ADGRB3: variants seen among roughly 807,000 people sequenced by gnomAD.
The protein encoded by ADGRB3 is adhesion G protein-coupled receptor B3, also known as brain-specific angiogenesis inhibitor 3.
Under a neutral mutation model 193.4 loss-of-function variants are expected in ADGRB3, and 37 were observed. That is an observed-to-expected ratio of 0.19 (90% CI 0.15 to 0.25). The LOEUF (loss-of-function observed/expected upper bound fraction) is 0.25, where lower values mean the gene tolerates loss of function less well. ADGRB3 is among the 10% of genes least tolerant of loss of function. The pLI, the probability that ADGRB3 is intolerant of heterozygous loss-of-function variation, is 1.00. For synonymous variants in ADGRB3, 690 were observed against 644.2 expected (o/e 1.07, Z -1.08); for missense variants, 1,637 against 1,852.9 (o/e 0.88, Z 2.14).
intron 30 of ADGRB3, among the ~76,000 whole-genome samples, chr6:69,373,638 TC>T (rs1162546127): frequency 6.6e-6 from 1 of 152,094 alleles, no homozygotes; most frequent in African/African-American, 2.4e-5. Context: ...TATTCAGCAA[TC>T]TTTGCCTTCA....
At chr6:69,256,447 T>G (rs1766773597) in intron 20 of ADGRB3, among the ~76,000 whole-genome samples, 1 of 152,138 alleles carries the variant, frequency 6.6e-6, no homozygotes, top group Non-Finnish European at 1.5e-5. Flanking sequence ...TCCTAGGTAT[T>G]TTATTCTCTT....
At chr6:69,368,478 C>T (rs189192346) in intron 29 of ADGRB3, among the ~76,000 whole-genome samples, 1 of 152,124 alleles carries the variant, frequency 6.6e-6, no homozygotes, top group African/African-American at 2.4e-5. Flanking sequence ...CTGAGTCTCT[C>T]GCTTGACCAA....
chr6:69,130,593 T>C (rs1251590965), intron 17 of ADGRB3, among the ~76,000 whole-genome samples: 1 of 150,716 alleles, frequency 6.6e-6, no homozygotes, highest in Non-Finnish European at 1.5e-5. Context: ...CCGACTGGGC[T>C]CCTTTTTTTT....
chr6:69,051,202 G>A (rs1412857334), intron 15 of ADGRB3, among the ~76,000 whole-genome samples: 1 of 152,102 alleles, frequency 6.6e-6, no homozygotes, highest in Non-Finnish European at 1.5e-5. Flanking sequence ...ATGATTTAAT[G>A]GATATAGTAG....
intron 3 of ADGRB3, among the ~76,000 whole-genome samples, chr6:68,697,407 C>T (rs1765175171): frequency 6.6e-6 from 1 of 151,804 alleles, no homozygotes; most frequent in African/African-American, 2.4e-5. Context: ...AGCATGTAAA[C>T]TCATTTATAT....
chr6:68,798,943 C>T (rs1179360334), intron 3 of ADGRB3, among the ~76,000 whole-genome samples: 1 of 152,074 alleles, frequency 6.6e-6, no homozygotes, highest in Non-Finnish European at 1.5e-5. Flanking sequence ...AGGTTGAGGA[C>T]CCTGGCAAGG....
intron 3 of ADGRB3, among the ~76,000 whole-genome samples, chr6:68,753,246 C>A (rs2127348026): frequency 6.6e-6 from 1 of 152,300 alleles, no homozygotes; most frequent in Admixed American, 6.5e-5. Flanking sequence ...ATTTGGGCAT[C>A]TATTCTCCAT....
At chr6:69,173,782 T>A (rs574858302) in intron 17 of ADGRB3, among the ~76,000 whole-genome samples, 4 of 152,286 alleles carry the variant, frequency 2.6e-5, no homozygotes, top group African/African-American at 9.6e-5. Flanking sequence ...AGAATAAGAT[T>A]GTGTGAGAAA....
intron 26 of ADGRB3, among the ~76,000 whole-genome samples, chr6:69,347,206 G>A (rs548573038): frequency 1.1e-4 from 17 of 152,162 alleles, no homozygotes; most frequent in African/African-American, 2.9e-4. Context: ...AGGGCCTGTC[G>A]GGAGGTGGGG....
At chr6:68,993,471 C>A (rs1322504624) in intron 10 of ADGRB3, among the ~76,000 whole-genome samples, 3 of 152,082 alleles carry the variant, frequency 2.0e-5, no homozygotes, top group Admixed American at 6.6e-5. Context: ...GATTTTTACT[C>A]CAATTAAGAA....
At position 68,868,873 on chromosome 6, in the gene ADGRB3, G is replaced by A. The variant is rs548902278; in HGVS notation, c.758-61686G>A. Among the ~76,000 whole-genome samples the A allele has an allele frequency of 1.2e-3, 175 of 149,226 alleles. 1 individual carries two copies. The highest frequency in any genetic ancestry group is 4.2e-3 in the African/African-American group (172 of 40,830). On this transcript the variant is annotated intron_variant, in intron 3 of 31. Transcript: ENST00000370598. ...GTTGGAACCAAAAAGTATTTAACAT[G>A]CTGAATATGATTCTGGAAATAGGAC...
intron 3 of ADGRB3, among the ~76,000 whole-genome samples, chr6:68,747,134 A>T (rs961252793): frequency 3.3e-5 from 5 of 152,222 alleles, no homozygotes; most frequent in Non-Finnish European, 7.3e-5. Context: ...GCATGAAATT[A>T]TATATTCATT....
At chr6:68,656,368 A>G (rs1221981668) in intron 3 of ADGRB3, among the ~76,000 whole-genome samples, 3 of 151,558 alleles carry the variant, frequency 2.0e-5, no homozygotes, top group African/African-American at 7.2e-5. Flanking sequence ...CAGGCAAGTC[A>G]CATAATCTCT....
chr6:69,337,402 T>C (rs568552230), intron 24 of ADGRB3, among the ~76,000 whole-genome samples: 6 of 152,162 alleles, frequency 3.9e-5, no homozygotes, highest in Admixed American at 6.6e-5. Flanking sequence ...GCATAATCTA[T>C]GGAGCTTTAA....
At chr6:69,153,167 T>G (rs1441034117) in intron 17 of ADGRB3, among the ~76,000 whole-genome samples, 4 of 152,048 alleles carry the variant, frequency 2.6e-5, no homozygotes, top group Non-Finnish European at 5.9e-5. Flanking sequence ...TAAAATCTGT[T>G]AAAAAGTAAG....
At chr6:69,031,146 A>G (rs1770669912) in intron 13 of ADGRB3, among the ~76,000 whole-genome samples, 1 of 142,514 alleles carries the variant, frequency 7.0e-6, no homozygotes, top group African/African-American at 2.7e-5. Context: ...TCTCTCAAGA[A>G]TTCTAGAGTT....
chr6:68,963,704 C>G (rs2150259829), intron 8 of ADGRB3, among the ~76,000 whole-genome samples: 1 of 152,278 alleles, frequency 6.6e-6, no homozygotes, highest in South Asian at 2.1e-4. Context: ...TTATCCTCAT[C>G]TGTTGATAGG....
intron 17 of ADGRB3, among the ~76,000 whole-genome samples, chr6:69,104,844 A>G (rs540792507): frequency 5.9e-5 from 9 of 152,264 alleles, no homozygotes; most frequent in African/African-American, 2.2e-4. Context: ...AGTTTCAAAA[A>G]CATATGTGTA....
At chr6:68,652,045 TC>T (rs1165688563) in intron 3 of ADGRB3, among the ~76,000 whole-genome samples, 2 of 152,112 alleles carry the variant, frequency 1.3e-5, no homozygotes, top group African/African-American at 4.8e-5. Flanking sequence ...TTAATTTTTT[TC>T]CATACTCTGC....
Sources: gnomAD v4.1 joint callset for allele counts (sites outside exome capture counted in the v4.1 genomes callset) on GRCh38, gnomAD v4.1.1 for gene constraint, MANE v1.5 for transcripts, NCBI Gene and HGNC (gene_info 2026-07-23, HGNC 2026-07-21) for gene names.